PHF20: variants seen among roughly 807,000 people sequenced by gnomAD.
PHF20 encodes PHD finger protein 20.
In PHF20, 23 loss-of-function variants were observed where a neutral mutation model predicts 113.5. That is an observed-to-expected ratio of 0.20 (90% CI 0.15 to 0.29). The LOEUF is 0.29. Among genes scored for constraint, PHF20 ranks in the 10% least tolerant of loss-of-function variants. PHF20 has a pLI of 1.00. For synonymous variants in PHF20, 434 were observed against 457.3 expected (o/e 0.95, Z 0.65); for missense variants, 943 against 1,219.6 (o/e 0.77, Z 3.38).
intron 4 of PHF20, chr20:35,856,222 T>C (rs1940581336): frequency 6.6e-6 from 1 of 152,216 alleles, no homozygotes; most frequent in African/African-American, 2.4e-5. Context: ...TGTCTATGTC[T>C]TGCTAGCTAG....
chr20:35,867,855 TC>T (rs1202968880), intron 6 of PHF20, among the ~76,000 whole-genome samples: 4 of 149,814 alleles, frequency 2.7e-5, no homozygotes, highest in African/African-American at 7.5e-5. Flanking sequence ...CTTTCCTCCT[TC>T]CTCTTCTCTC....
chr20:35,849,404 C>G (rs954498666), intron 4 of PHF20: 1 of 469,794 alleles, frequency 2.1e-6, no homozygotes, highest in Non-Finnish European at 4.4e-6. Flanking sequence ...AAAAGAAGAC[C>G]TGCTTCAAAG....
chr20:35,846,182 A>ATTT (rs568517729), intron 3 of PHF20, among the ~76,000 whole-genome samples: 1 of 143,120 alleles, frequency 7.0e-6, no homozygotes, highest in Non-Finnish European at 1.5e-5. Flanking sequence ...CATTCTACAA[A>ATTT]TTTTTTTTTT....
intron 9 of PHF20, among the ~76,000 whole-genome samples, chr20:35,891,085 G>A (rs1185736585): frequency 6.6e-6 from 1 of 152,040 alleles, no homozygotes; most frequent in Non-Finnish European, 1.5e-5. Context: ...AAAGAATGCA[G>A]CACATTCCAG....
At chr20:35,888,639 C>T (rs969707561) in intron 9 of PHF20, among the ~76,000 whole-genome samples, 1 of 152,120 alleles carries the variant, frequency 6.6e-6, no homozygotes, top group Non-Finnish European at 1.5e-5. Flanking sequence ...ATATTTTCTT[C>T]TGGGCATGGT....
intron 9 of PHF20, among the ~76,000 whole-genome samples, chr20:35,898,367 T>C (rs2055030457): frequency 6.6e-6 from 1 of 152,174 alleles, no homozygotes; most frequent in Non-Finnish European, 1.5e-5. Flanking sequence ...GGTACCAGGA[T>C]GGTAGTAAAT....
chr20:35,858,503 A>G, intron 5 of PHF20, 122 bp downstream of exon 5: 2 of 561,678 alleles, frequency 3.6e-6, no homozygotes, highest in South Asian at 2.7e-5. Context: ...ATCTGACACA[A>G]TTTCACCAGA....
At chr20:35,917,398 A>G (rs1473336075) in intron 12 of PHF20, 86 bp from the exon 13 acceptor site, 7 of 1,174,648 alleles carry the variant, frequency 6.0e-6, no homozygotes, top group Admixed American at 2.0e-5. Flanking sequence ...GTATGGGACT[A>G]TAATGTCATT....
chr20:35,805,274 T>C (rs1344300252), intron 2 of PHF20, among the ~76,000 whole-genome samples: 2 of 151,698 alleles, frequency 1.3e-5, no homozygotes, highest in Admixed American at 1.3e-4. Flanking sequence ...ACAGAGCTCA[T>C]TGCAGCTTTG....
chr20:35,840,589 A>G (rs1197246528), intron 2 of PHF20, among the ~76,000 whole-genome samples: 1 of 152,118 alleles, frequency 6.6e-6, no homozygotes, highest in African/African-American at 2.4e-5. Flanking sequence ...TGCCATCTGC[A>G]CCACTGCTGC....
At chr20:35,774,129 C>CT (rs1170121312) in intron 1 of PHF20, among the ~76,000 whole-genome samples, 11 of 151,522 alleles carry the variant, frequency 7.3e-5, no homozygotes, top group Middle Eastern at 3.4e-3. Flanking sequence ...GTCGCCCAGG[C>CT]TGGAGTGCAG....
At chr20:35,854,657 C>A (rs531627138) in intron 4 of PHF20, among the ~76,000 whole-genome samples, 3 of 152,034 alleles carry the variant, frequency 2.0e-5, no homozygotes, top group African/African-American at 7.3e-5. Flanking sequence ...GATCAAAGAC[C>A]GAGATATATC....
chr20:35,795,853 A>G (rs1411604960), intron 1 of PHF20, among the ~76,000 whole-genome samples: 1 of 151,976 alleles, frequency 6.6e-6, no homozygotes, highest in Admixed American at 6.6e-5. Context: ...AAGTTTAATT[A>G]TTATAAATTT....
At position 35,772,655 on chromosome 20, in the gene PHF20, TC is replaced by T. The variant is rs368549298; in HGVS notation, c.-33+585del. 6.5e-3 allele frequency among the ~76,000 whole-genome samples: 967 copies of T among 148,104 alleles called. 3 individuals carry two copies. The highest frequency in any genetic ancestry group is 0.016 in the African/African-American group (653 of 40,222). ...ATTTTATCTAAATTTCTAAAAGCCCTCCCCCCCCCAAATTTAGGGCGTACCC... is the reference window on the plus strand; with the variant it reads ...ATTTTATCTAAATTTCTAAAAGCCCTCCCCCCCCAAATTTAGGGCGTACCC... On this transcript the variant is annotated intron_variant, in intron 1 of 17. Coordinates refer to ENST00000374012, the MANE Select transcript of PHF20 (RefSeq NM_016436.5).
Position 35,904,767 on chromosome 20 carries a change from CTCCTTCCT to C in PHF20, c.1561+5149_1561+5156del, listed in dbSNP as rs71184085. On this transcript the variant is annotated intron_variant, in intron 10 of 17. Coordinates refer to ENST00000374012, the MANE Select transcript of PHF20 (RefSeq NM_016436.5). ...TCTCTTCACAGATCTGATTTCTTTT[CTCCTTCCT>C]TCCTTCCTTCCTTCCTTCCTTCCTT... Among the ~76,000 whole-genome samples, 16 of 125,612 alleles carry C rather than the reference CTCCTTCCT, an allele frequency of 1.3e-4. No homozygotes were observed. In the East Asian group the frequency reaches 1.3e-3, roughly 10 times the overall value. The allele number at this position is 125,612 out of a possible 152,430, so 82.4% of individuals were successfully genotyped here.
In PHF20 at chr20:35,924,443, C is replaced by G. The variant is rs555171128; in HGVS notation, c.2005-3337C>G. The stretch of plus-strand genomic sequence containing the variant: ...TCCCGACCTCAGGTGATCCGCCCAC[C>G]TCGGCCTCCCAAAGTTCTGGAATTA... On this transcript the variant is annotated intron_variant, in intron 13 of 17. Transcript: ENST00000374012. Among the ~76,000 whole-genome samples the G allele has an allele frequency of 5.9e-5, 9 of 152,162 alleles. No individual in the cohort carries two copies. The East Asian group carries it at 1.7e-3, about 29-fold the overall frequency.
rs56733167 is a variant in PHF20 at position 35,828,842 on chromosome 20, A to G, written c.84-13731A>G. Among the ~76,000 whole-genome samples the G allele has an allele frequency of 9.7e-3, 1,474 of 152,362 alleles. 16 individuals carry two copies. Among genetic ancestry groups the G allele is most frequent in the East Asian group, 0.04 (207 of 5,190 alleles). On this transcript the variant is annotated intron_variant, in intron 2 of 17. Coordinates refer to ENST00000374012, the MANE Select transcript of PHF20 (RefSeq NM_016436.5). ...AACTATTGATAGACTCCATTTCTAG[A>G]TACCAAAGCAGTCTAGCAAAATGCA...
chr20:35,834,594 G>C (rs1352264052), intron 2 of PHF20, among the ~76,000 whole-genome samples: 3 of 152,066 alleles, frequency 2.0e-5, no homozygotes, highest in Non-Finnish European at 4.4e-5. Context: ...GATCCAGAGT[G>C]TTCCTGATCT....
chr20:35,901,052 G>C (rs558964406), intron 10 of PHF20, among the ~76,000 whole-genome samples: 1 of 152,070 alleles, frequency 6.6e-6, no homozygotes, highest in South Asian at 2.1e-4. Context: ...TGGTTATACA[G>C]GTGTGTTCAT....
Sources: gnomAD v4.1 joint callset for allele counts (sites outside exome capture counted in the v4.1 genomes callset) on GRCh38, gnomAD v4.1.1 for gene constraint, MANE v1.5 for transcripts, NCBI Gene and HGNC (gene_info 2026-07-23, HGNC 2026-07-21) for gene names.